The following OPCML variants were observed in gnomAD, a reference collection of about 807,000 sequenced individuals.
OPCML encodes opioid-binding protein/cell adhesion molecule.
In OPCML, 13 loss-of-function variants were observed where a neutral mutation model predicts 37.8. That is an observed-to-expected ratio of 0.34 (90% CI 0.22 to 0.55). The LOEUF is 0.55. OPCML is among the 20% of genes least tolerant of loss of function. The pLI, the probability that OPCML is intolerant of heterozygous loss-of-function variation, is 0.91. For missense variants in OPCML, 341 were observed against 435.6 expected (o/e 0.78, Z 1.93); for synonymous variants, 176 against 168.8 (o/e 1.04, Z -0.33).
intron 2 of OPCML, among the ~76,000 whole-genome samples, chr11:132,728,347 C>A (rs1281748554): frequency 1.3e-5 from 2 of 152,160 alleles, no homozygotes; most frequent in Non-Finnish European, 2.9e-5. Flanking sequence ...TGTCAACTCA[C>A]TGGGGAATCT....
rs1426830469 is a variant in OPCML, at chr11:132,419,725, T to A, written c.*468A>T. On this transcript the variant is annotated 3_prime_UTR_variant, in exon 8 of 8. Transcript: ENST00000524381. ...AACATGGATGGGGGCATATGTACAT[T>A]GTCATTAAGAAAATAATCACAGATA... is the stretch of plus-strand genomic sequence containing the variant. The A allele has an allele frequency of 6.4e-6, 1 of 157,050 alleles. No homozygotes were observed. Among genetic ancestry groups the A allele is most frequent in the Non-Finnish European group, 1.4e-5 (1 of 71,586 alleles). 9.7% of individuals were successfully genotyped at this position (157,050 alleles called of 1,614,324 possible). A position where few individuals can be genotyped will look rare whatever the true frequency, so the allele number is the denominator to read the frequency against.
At position 132,415,969 on chromosome 11, in the gene OPCML, C is replaced by T. The variant is rs147698916; in HGVS notation, c.*4224G>A. ...CTACTTACACACCTGTGAAGTTTTA[C>T]TCAAGTGCTCAAACTTATTTGTCTT... is the stretch of plus-strand genomic sequence containing the variant. On this transcript the variant is annotated 3_prime_UTR_variant, in exon 8 of 8. Coordinates refer to ENST00000524381, the MANE Select transcript of OPCML (RefSeq NM_001012393.5). 1.2e-3 allele frequency: 184 copies of T among 152,688 alleles called. No homozygotes were observed. The highest frequency in any genetic ancestry group is 4.4e-3 in the African/African-American group (182 of 41,558). The allele number at this position is 152,688 out of a possible 1,614,324, so 9.5% of individuals were successfully genotyped here. A position where few individuals can be genotyped will look rare whatever the true frequency, so the allele number is the denominator to read the frequency against.
At chr11:132,642,978 G>T (rs1287851455) in intron 3 of OPCML, among the ~76,000 whole-genome samples, 3 of 152,160 alleles carry the variant, frequency 2.0e-5, no homozygotes, top group Non-Finnish European at 4.4e-5. Context: ...ACCCTCAGTG[G>T]CCAGCAATGT....
At chr11:132,473,851 C>T (rs561263391) in intron 4 of OPCML, among the ~76,000 whole-genome samples, 4 of 152,154 alleles carry the variant, frequency 2.6e-5, no homozygotes, top group East Asian at 1.9e-4. Flanking sequence ...TCCATAACTA[C>T]GTAAAGGAAT....
chr11:132,905,184 T>C (rs994813847), intron 2 of OPCML, among the ~76,000 whole-genome samples: 1 of 151,474 alleles, frequency 6.6e-6, no homozygotes, highest in Non-Finnish European at 1.5e-5. Context: ...CCAGTGTCTA[T>C]CTCACAGATC....
intron 2 of OPCML, among the ~76,000 whole-genome samples, chr11:132,666,764 G>A (rs1160922007): frequency 6.6e-6 from 1 of 152,216 alleles, no homozygotes; most frequent in African/African-American, 2.4e-5. Context: ...GGAATGGAGT[G>A]GAAGCCAGAG....
intron 3 of OPCML, among the ~76,000 whole-genome samples, chr11:132,578,585 A>G (rs1175463136): frequency 6.6e-6 from 1 of 152,216 alleles, no homozygotes; most frequent in Admixed American, 6.6e-5. Flanking sequence ...TCCTTGTTGA[A>G]TGTAACATAT....
At chr11:133,508,558 A>G (rs1041157181) in intron 1 of OPCML, among the ~76,000 whole-genome samples, 2 of 152,138 alleles carry the variant, frequency 1.3e-5, no homozygotes, top group Admixed American at 6.5e-5. Context: ...CTGCCTCCAC[A>G]CTGCAAGTCC....
At chr11:132,500,492 T>A (rs770904286) in intron 4 of OPCML, among the ~76,000 whole-genome samples, 1 of 152,188 alleles carries the variant, frequency 6.6e-6, no homozygotes, top group Non-Finnish European at 1.5e-5. Context: ...GAAGCAGTTG[T>A]CCATATGGTC....
intron 2 of OPCML, among the ~76,000 whole-genome samples, chr11:132,900,248 C>T (rs903195212): frequency 2.6e-5 from 4 of 152,112 alleles, no homozygotes; most frequent in Non-Finnish European, 5.9e-5. Flanking sequence ...GATGAATGTT[C>T]CACCAGCCAT....
intron 1 of OPCML, chr11:133,004,795 C>T: frequency 1.0e-6 from 1 of 985,454 alleles, no homozygotes; most frequent in Non-Finnish European, 1.2e-6. Context: ...TTCCTTCCAC[C>T]ACACTCCGTC....
At chr11:132,973,660 A>C (rs1197182489) in intron 1 of OPCML, among the ~76,000 whole-genome samples, 5 of 152,146 alleles carry the variant, frequency 3.3e-5, no homozygotes, top group African/African-American at 1.2e-4. Context: ...TTACTTAATA[A>C]ACTCATGCTC....
At chr11:132,712,594 G>C (rs1944311908) in intron 2 of OPCML, among the ~76,000 whole-genome samples, 2 of 152,308 alleles carry the variant, frequency 1.3e-5, no homozygotes, top group African/African-American at 4.8e-5. Context: ...ACGCAGTGCC[G>C]GCTGTATTGC....
chr11:132,892,123 G>A (rs936375661), intron 2 of OPCML, among the ~76,000 whole-genome samples: 1 of 152,194 alleles, frequency 6.6e-6, no homozygotes, highest in African/African-American at 2.4e-5. Flanking sequence ...TAAAAGACAA[G>A]AGCCTTTGTT....
chr11:133,289,467 C>A (rs901222792), intron 1 of OPCML, among the ~76,000 whole-genome samples: 4 of 150,276 alleles, frequency 2.7e-5, no homozygotes, highest in Non-Finnish European at 4.5e-5. Context: ...TAGTGGCGGG[C>A]GCCTGTAGTC....
intron 1 of OPCML, among the ~76,000 whole-genome samples, chr11:133,103,695 A>G (rs1399258534): frequency 6.6e-6 from 1 of 152,184 alleles, no homozygotes; most frequent in African/African-American, 2.4e-5. Context: ...CAATCAATGC[A>G]TCTCCCCACT....
rs77078607 is a variant in OPCML at position 132,832,933 on chromosome 11, T to A, written c.146+109993A>T. On this transcript the variant is annotated intron_variant, in intron 2 of 7. Transcript: ENST00000524381. The stretch of plus-strand genomic sequence containing the variant: ...AAAATGTGATAAAAAGATTTTTTTT[T>A]AAATAATACACCTGTATAGAACATC... Among the ~76,000 whole-genome samples, 425 of 151,580 alleles carry A rather than the reference T, an allele frequency of 2.8e-3. 1 individual carries two copies. The highest frequency in any genetic ancestry group is 9.7e-3 in the African/African-American group (402 of 41,370).
At chr11:133,052,561 G>A (rs895005653) in intron 1 of OPCML, among the ~76,000 whole-genome samples, 2 of 152,170 alleles carry the variant, frequency 1.3e-5, no homozygotes, top group African/African-American at 4.8e-5. Flanking sequence ...CCCTTATTTT[G>A]TCCATGGCAC....
At chr11:133,067,846 T>G (rs924419429) in intron 1 of OPCML, 1 of 152,132 alleles carries the variant, frequency 6.6e-6, no homozygotes, top group African/African-American at 2.4e-5. Flanking sequence ...CAACCTCCCT[T>G]TCAAAATTAC....
Sources: gnomAD v4.1 joint callset for allele counts (sites outside exome capture counted in the v4.1 genomes callset) on GRCh38, gnomAD v4.1.1 for gene constraint, MANE v1.5 for transcripts, NCBI Gene and HGNC (gene_info 2026-07-23, HGNC 2026-07-21) for gene names.